The following CNTLN variants were observed in gnomAD, a reference collection of about 807,000 sequenced individuals.
CNTLN encodes the protein centlein, centrosomal protein.
A neutral mutation model predicts 180.0 loss-of-function variants in CNTLN; 212 were observed. That is an observed-to-expected ratio of 1.18 (90% confidence interval 1.05 to 1.32). CNTLN has a LOEUF of 1.32. Ranked by LOEUF, CNTLN falls within the 40% of genes most tolerant of loss-of-function variation. The pLI is 0.00. For missense variants in CNTLN, 2,095 were observed against 1,610.9 expected, an observed-to-expected ratio of 1.30 and a Z score of -5.14; for synonymous variants, 722 against 563.1, an observed-to-expected ratio of 1.28 and a Z score of -3.99.
intron 24 of CNTLN, among the ~76,000 whole-genome samples, chr9:17,485,383 A>G (rs1832841147): frequency 6.6e-6 from 1 of 152,136 alleles, no homozygotes; most frequent in African/African-American, 2.4e-5. Flanking sequence ...GATAATAGTT[A>G]AAAGGAATCC....
chr9:17,468,131 AAC>A (rs1211710311), intron 23 of CNTLN, among the ~76,000 whole-genome samples: 2 of 151,756 alleles, frequency 1.3e-5, no homozygotes, highest in East Asian at 3.9e-4. Flanking sequence ...TAAGTGAACT[AAC>A]ACACAAAGGA....
chr9:17,281,244 T>G (rs1005204205), intron 6 of CNTLN, among the ~76,000 whole-genome samples: 1 of 151,926 alleles, frequency 6.6e-6, no homozygotes, highest in African/African-American at 2.4e-5. Context: ...TTACCCCCAT[T>G]CCTTTTAGAT....
chr9:17,395,103 G>A (rs751379871), intron 15 of CNTLN, 34 bp downstream of exon 15: 11 of 1,566,054 alleles, frequency 7.0e-6, no homozygotes, highest in Admixed American at 3.7e-5. Context: ...CTGTGGTGGG[G>A]ACACTGCGCA....
chr9:17,423,288 C>G (rs1167472897), intron 18 of CNTLN, among the ~76,000 whole-genome samples: 4 of 152,166 alleles, frequency 2.6e-5, no homozygotes, highest in African/African-American at 4.8e-5. Flanking sequence ...CGTGCCAGAA[C>G]TGGGTTCTTC....
At chr9:17,419,629 A>G (rs1386739575) in intron 18 of CNTLN, among the ~76,000 whole-genome samples, 1 of 152,176 alleles carries the variant, frequency 6.6e-6, no homozygotes, top group South Asian at 2.1e-4. Context: ...TTTCTATAAA[A>G]GATTTTTGGA....
chr9:17,387,181 C>T (rs1019184939), intron 13 of CNTLN, among the ~76,000 whole-genome samples: 1 of 152,178 alleles, frequency 6.6e-6, no homozygotes. Flanking sequence ...GATTTCTACT[C>T]TACAGAGAAT....
downstream of CNTLN, among the ~76,000 whole-genome samples, chr9:17,508,270 A>T (rs1833968189): frequency 6.6e-6 from 1 of 152,214 alleles, no homozygotes; most frequent in Admixed American, 6.5e-5. Flanking sequence ...ATAATTTAAC[A>T]TTCACAAGAA....
intron 6 of CNTLN, among the ~76,000 whole-genome samples, chr9:17,294,232 AG>A (rs1817625079): frequency 6.6e-6 from 1 of 151,944 alleles, no homozygotes; most frequent in African/African-American, 2.4e-5. Context: ...ACAGTGTGGA[AG>A]GGGACCCAAG....
intron 2 of CNTLN, among the ~76,000 whole-genome samples, chr9:17,214,804 G>T (rs1324569246): frequency 6.6e-6 from 1 of 151,940 alleles, no homozygotes; most frequent in South Asian, 2.1e-4. Context: ...TCATTCATTT[G>T]ATCTTCAATC....
At chr9:17,210,332 C>A (rs181317783) in intron 2 of CNTLN, among the ~76,000 whole-genome samples, 2 of 152,164 alleles carry the variant, frequency 1.3e-5, no homozygotes, top group East Asian at 3.9e-4. Flanking sequence ...TTTGTCCTTG[C>A]GATAGTTTGC....
At chr9:17,295,096 G>A (rs1267339713) in intron 6 of CNTLN, among the ~76,000 whole-genome samples, 1 of 150,534 alleles carries the variant, frequency 6.6e-6, no homozygotes, top group Non-Finnish European at 1.5e-5. Flanking sequence ...CCTCACTGCC[G>A]GGCTGGCGGG....
At chr9:17,205,021 C>T (rs547436128) in intron 2 of CNTLN, among the ~76,000 whole-genome samples, 1 of 152,288 alleles carries the variant, frequency 6.6e-6, no homozygotes, top group Non-Finnish European at 1.5e-5. Flanking sequence ...TCATTCATTG[C>T]AGGTGCCCCT....
intron 18 of CNTLN, among the ~76,000 whole-genome samples, chr9:17,417,358 G>A (rs897355253): frequency 9.9e-5 from 15 of 151,178 alleles, no homozygotes; most frequent in African/African-American, 3.7e-4. Flanking sequence ...CTAGTTAAAT[G>A]ACATTGTTTT....
At chr9:17,153,770 C>T (rs1348552104) in intron 2 of CNTLN, among the ~76,000 whole-genome samples, 1 of 152,180 alleles carries the variant, frequency 6.6e-6, no homozygotes, top group Non-Finnish European at 1.5e-5. Context: ...GTTCCATTCT[C>T]TCCGTCACTT....
chr9:17,414,703 AATTT>A (rs1564085603), intron 16 of CNTLN, among the ~76,000 whole-genome samples: 1 of 152,218 alleles, frequency 6.6e-6, no homozygotes, highest in African/African-American at 2.4e-5. Flanking sequence ...ACTTTCAGGC[AATTT>A]GTTGCTGGAT....
At chr9:17,430,082 G>A (rs74358714) in intron 18 of CNTLN, among the ~76,000 whole-genome samples, 3,743 of 152,024 alleles carry the variant, frequency 0.025, 170 homozygotes, top group African/African-American at 0.086. Flanking sequence ...AAGAAGGTAT[G>A]AAGTTATTGA....
At chr9:17,373,310 G>A (rs1824481840) in intron 13 of CNTLN, among the ~76,000 whole-genome samples, 1 of 152,116 alleles carries the variant, frequency 6.6e-6, no homozygotes. Context: ...ACAAAAATCA[G>A]TATCATTTCT....
chr9:17,177,501 G>T (rs527607053), intron 2 of CNTLN, among the ~76,000 whole-genome samples: 1 of 152,242 alleles, frequency 6.6e-6, no homozygotes, highest in Admixed American at 6.5e-5. Context: ...AAGAAGCTGC[G>T]GACCCTTGTG....
At chr9:17,448,693 A>G (rs1388189914) in intron 18 of CNTLN, 1 of 152,168 alleles carries the variant, frequency 6.6e-6, no homozygotes, top group East Asian at 1.9e-4. Flanking sequence ...TTGATCTGGC[A>G]TGTTTATTTT....
Sources: allele counts gnomAD v4.1 joint callset (sites outside exome capture counted in the v4.1 genomes callset), GRCh38; gene constraint gnomAD v4.1.1; transcripts MANE v1.5; gene names NCBI Gene and HGNC (gene_info 2026-07-23, HGNC 2026-07-21).